PDE10A: variants seen among roughly 807,000 people sequenced by gnomAD.
PDE10A encodes the protein phosphodiesterase 10A.
A neutral mutation model predicts 97.7 loss-of-function variants in PDE10A; 39 were observed. The observed-to-expected ratio is 0.40, with a 90% CI of 0.31 to 0.52. The LOEUF (loss-of-function observed/expected upper bound fraction) is 0.52. Among genes scored for constraint, PDE10A ranks in the 20% least tolerant of loss-of-function variants. The pLI, the probability that PDE10A is intolerant of heterozygous loss-of-function variation, is 0.56. For synonymous variants in PDE10A, 371 were observed against 376.8 expected (o/e 0.98, Z 0.18); for missense variants, 731 against 1,047.8 (o/e 0.70, Z 4.17).
chr6:165,548,414 A>G (rs1278153540), intron 1 of PDE10A, among the ~76,000 whole-genome samples: 2 of 150,502 alleles, frequency 1.3e-5, no homozygotes, highest in Admixed American at 1.3e-4. Context: ...TATTCCCTCC[A>G]TCTCTTACTT....
chr6:165,504,730 CTAA>C (rs1394700083), intron 2 of PDE10A, among the ~76,000 whole-genome samples: 1 of 151,948 alleles, frequency 6.6e-6, no homozygotes, highest in Non-Finnish European at 1.5e-5. Flanking sequence ...TAAAATCTTA[CTAA>C]TAATAACCTA....
At chr6:165,903,205 C>T (rs1782162629) in intron 1 of PDE10A, among the ~76,000 whole-genome samples, 1 of 152,122 alleles carries the variant, frequency 6.6e-6, no homozygotes, top group Non-Finnish European at 1.5e-5. Flanking sequence ...TTTTATTCTT[C>T]TGCATTGGGA....
intron 1 of PDE10A, among the ~76,000 whole-genome samples, chr6:165,892,747 G>T (rs924889379): frequency 2.0e-5 from 3 of 152,182 alleles, no homozygotes; most frequent in Admixed American, 2.0e-4. Flanking sequence ...TGTACTGGGA[G>T]TGTCATGCCT....
At chr6:165,371,771 C>T (rs1453380297) in intron 18 of PDE10A, among the ~76,000 whole-genome samples, 1 of 151,816 alleles carries the variant, frequency 6.6e-6, no homozygotes, top group East Asian at 1.9e-4. Context: ...AGAGACACAA[C>T]CAAAAAAGAG....
chr6:165,627,897 C>G (rs1038777160), intron 1 of PDE10A, among the ~76,000 whole-genome samples: 2 of 152,132 alleles, frequency 1.3e-5, no homozygotes, highest in African/African-American at 4.8e-5. Context: ...CAAGTCCAAC[C>G]CATAAAGCTG....
chr6:165,619,174 CTA>C (rs1419075128), intron 1 of PDE10A, among the ~76,000 whole-genome samples: 4 of 104,150 alleles, frequency 3.8e-5, no homozygotes, highest in Middle Eastern at 6.4e-3. Context: ...GTAGTGTAGT[CTA>C]GTGTAGTGTA....
At chr6:165,508,335 G>C (rs1781320692) in intron 2 of PDE10A, among the ~76,000 whole-genome samples, 1 of 151,892 alleles carries the variant, frequency 6.6e-6, no homozygotes, top group Non-Finnish European at 1.5e-5. Flanking sequence ...TTTTCTCTCT[G>C]GTCTCCTTCA....
At chr6:165,648,294 G>T (rs1214527151) in intron 1 of PDE10A, among the ~76,000 whole-genome samples, 1 of 151,934 alleles carries the variant, frequency 6.6e-6, no homozygotes, top group Non-Finnish European at 1.5e-5. Context: ...TTACAGGGGT[G>T]ACCCACCACG....
intron 1 of PDE10A, among the ~76,000 whole-genome samples, chr6:165,688,837 AGTGTGTGTATCT>A (rs1791194091): frequency 6.6e-6 from 1 of 152,090 alleles, no homozygotes; most frequent in African/African-American, 2.4e-5. Flanking sequence ...TGACTGTATG[AGTGTGTGTATCT>A]GTGTGAGTGT....
intron 1 of PDE10A, among the ~76,000 whole-genome samples, chr6:165,860,972 T>A (rs1780885700): frequency 6.6e-6 from 1 of 152,232 alleles, no homozygotes. Flanking sequence ...GCAGGGATGA[T>A]TCACCCATTT....
In PDE10A at chr6:165,880,218, A is replaced by G. The variant is rs182962503; in HGVS notation, c.-615+107311T>C. Among the ~76,000 whole-genome samples, 174 of 152,326 alleles carry G rather than the reference A, an allele frequency of 1.1e-3. 1 individual carries two copies. The South Asian group carries it at 0.017, about 15-fold the overall frequency. ...GCATCTTTGGGCTATTTGGCCTTCT[A>G]ATAGTTCTTTGGAAGTAGGTGTAGA... On this transcript the variant is annotated intron_variant, in intron 1 of 19. Transcript: ENST00000366882.
chr6:165,384,631 AGTGTGTGTGTGTGTGTGTGTGT>A (rs57175607), intron 17 of PDE10A, among the ~76,000 whole-genome samples: 1 of 66,956 alleles, frequency 1.5e-5, no homozygotes, highest in Non-Finnish European at 3.0e-5. Flanking sequence ...TGTGTGAGTG[AGTGTGTGTGTGTGTGTGTGTGT>A]GTGTGTGTGT....
At chr6:165,987,664 G>A (rs1323805532) in exon 1 of PDE10A, 1 of 456,770 alleles carries the variant, frequency 2.2e-6, no homozygotes, top group Admixed American at 2.3e-5. Context: ...GGGTTCCATG[G>A]AGAACTGCGC....
At chr6:165,467,285 T>C (rs1778710736) in intron 3 of PDE10A, among the ~76,000 whole-genome samples, 1 of 152,230 alleles carries the variant, frequency 6.6e-6, no homozygotes, top group African/African-American at 2.4e-5. Context: ...GCTAAGATAA[T>C]GGATGAAAGT....
chr6:165,679,701 G>A (rs1282170184), intron 1 of PDE10A, among the ~76,000 whole-genome samples: 4 of 152,174 alleles, frequency 2.6e-5, no homozygotes, highest in South Asian at 2.1e-4. Context: ...CTACAGAAAC[G>A]GTTCAAGCCT....
intron 1 of PDE10A, among the ~76,000 whole-genome samples, chr6:165,959,807 AG>A (rs1167077744): frequency 1.3e-5 from 2 of 151,978 alleles, no homozygotes; most frequent in Non-Finnish European, 2.9e-5. Flanking sequence ...TCGCCTGGGG[AG>A]GGGCAACTTA....
intron 1 of PDE10A, among the ~76,000 whole-genome samples, chr6:165,570,006 T>C (rs912091860): frequency 6.6e-6 from 1 of 152,212 alleles, no homozygotes; most frequent in African/African-American, 2.4e-5. Context: ...CATTCTTCTC[T>C]GTTATGGACT....
chr6:165,892,683 C>T (rs958642011), intron 1 of PDE10A, among the ~76,000 whole-genome samples: 1 of 152,206 alleles, frequency 6.6e-6, no homozygotes, highest in Non-Finnish European at 1.5e-5. Flanking sequence ...GGCCCTGACC[C>T]ATCATCACCT....
intron 1 of PDE10A, among the ~76,000 whole-genome samples, chr6:165,855,313 G>GT: frequency 6.6e-6 from 1 of 151,176 alleles, no homozygotes; most frequent in South Asian, 2.1e-4. Flanking sequence ...GGCGGGGGGG[G>GT]GGGGGGACTC....
Sources: allele counts gnomAD v4.1 joint callset (sites outside exome capture counted in the v4.1 genomes callset), GRCh38; gene constraint gnomAD v4.1.1; transcripts MANE v1.5; gene names NCBI Gene and HGNC (gene_info 2026-07-23, HGNC 2026-07-21).